Variants in OSBPL6 observed in about 807,000 individuals in gnomAD.
OSBPL6 encodes the protein oxysterol-binding protein-related protein 6.
Under a neutral mutation model 125.8 loss-of-function variants are expected in OSBPL6, and 49 were observed. That is an observed-to-expected ratio of 0.39 (90% CI 0.31 to 0.49). The LOEUF is 0.49. OSBPL6 is among the 20% of genes least tolerant of loss of function. OSBPL6 has a pLI of 0.88. For missense variants in OSBPL6, 986 were observed against 1,135.4 expected (o/e 0.87, Z 1.89); for synonymous variants, 394 against 391.8 (o/e 1.01, Z -0.07).
intron 20 of OSBPL6, among the ~76,000 whole-genome samples, chr2:178,387,481 G>C (rs10497515): frequency 0.021 from 3,211 of 152,254 alleles, 76 homozygotes; most frequent in East Asian, 0.14. Context: ...GTTCATCTTA[G>C]ATCCAGGGAG....
chr2:178,346,648 G>A (rs900162262), intron 11 of OSBPL6, among the ~76,000 whole-genome samples: 1 of 152,080 alleles, frequency 6.6e-6, no homozygotes, highest in Non-Finnish European at 1.5e-5. Flanking sequence ...ATGGAGAGCT[G>A]TAGGCAGCTC....
intron 1 of OSBPL6, among the ~76,000 whole-genome samples, chr2:178,214,362 A>G (rs1351891647): frequency 6.6e-6 from 1 of 152,232 alleles, no homozygotes; most frequent in Non-Finnish European, 1.5e-5. Context: ...TAGATTGGTC[A>G]AGAGTTCTAC....
At chr2:178,319,754 C>T (rs969489201) in intron 3 of OSBPL6, among the ~76,000 whole-genome samples, 5 of 152,302 alleles carry the variant, frequency 3.3e-5, no homozygotes, top group Admixed American at 1.3e-4. Context: ...AGTGTTGCTA[C>T]GTTCAAAGTA....
At chr2:178,300,849 A>G (rs919442877) in intron 2 of OSBPL6, among the ~76,000 whole-genome samples, 50 of 152,328 alleles carry the variant, frequency 3.3e-4, no homozygotes, top group African/African-American at 1.2e-3. Context: ...TAAAAGGAGA[A>G]TTATATCTTT....
Position 178,396,214 on chromosome 2 carries a change from A to G in OSBPL6, c.*655A>G, listed in dbSNP as rs1559337172. On this transcript the variant is annotated 3_prime_UTR_variant, in exon 25 of 25. Coordinates refer to ENST00000190611, the MANE Select transcript of OSBPL6 (RefSeq NM_032523.4). Reference sequence around the variant, plus strand: ...AATCATGGCATGATTCACTTTCTCAATCAGGACAATTATGAGACTAACTTA... The same window carrying G: ...AATCATGGCATGATTCACTTTCTCAGTCAGGACAATTATGAGACTAACTTA... 1 of 161,642 alleles carries G rather than the reference A, an allele frequency of 6.2e-6. No individual in the cohort carries two copies. The highest frequency in any genetic ancestry group is 2.4e-5 in the African/African-American group (1 of 41,532). The allele number at this position is 161,642 out of a possible 1,614,324, so 10.0% of individuals were successfully genotyped here. A position where few individuals can be genotyped will look rare whatever the true frequency, so the allele number is the denominator to read the frequency against.
intron 2 of OSBPL6, among the ~76,000 whole-genome samples, chr2:178,293,027 A>G (rs1252209656): frequency 6.6e-6 from 1 of 151,654 alleles, no homozygotes; most frequent in African/African-American, 2.4e-5. Flanking sequence ...CTGGCACTAT[A>G]AGTAGTTAAA....
intron 1 of OSBPL6, among the ~76,000 whole-genome samples, chr2:178,260,098 C>A (rs897425309): frequency 6.6e-6 from 1 of 152,186 alleles, no homozygotes; most frequent in Admixed American, 6.5e-5. Flanking sequence ...CACATTAAGG[C>A]CTCAGCTACC....
intron 2 of OSBPL6, among the ~76,000 whole-genome samples, chr2:178,304,548 A>C (rs926838225): frequency 2.6e-5 from 4 of 152,152 alleles, no homozygotes; most frequent in African/African-American, 9.7e-5. Context: ...ACAATTCAGG[A>C]TGAGATGTGG....
intron 12 of OSBPL6, among the ~76,000 whole-genome samples, chr2:178,357,403 C>T (rs914444260): frequency 6.6e-6 from 1 of 151,992 alleles, no homozygotes; most frequent in African/African-American, 2.4e-5. Context: ...CAAAAACAAT[C>T]CCATCAAAAA....
At chr2:178,256,942 G>A (rs1010317001) in intron 1 of OSBPL6, among the ~76,000 whole-genome samples, 1 of 152,070 alleles carries the variant, frequency 6.6e-6, no homozygotes, top group Non-Finnish European at 1.5e-5. Context: ...CTTGTATTTT[G>A]TGGATAGTGT....
intron 1 of OSBPL6, among the ~76,000 whole-genome samples, chr2:178,227,793 G>A (rs1303304346): frequency 2.0e-5 from 3 of 152,166 alleles, no homozygotes; most frequent in Admixed American, 2.0e-4. Flanking sequence ...TATTAAAAAG[G>A]AAAGCAGTAG....
intron 3 of OSBPL6, among the ~76,000 whole-genome samples, chr2:178,313,641 CT>C (rs1687487689): frequency 1.3e-5 from 2 of 152,174 alleles, no homozygotes; most frequent in African/African-American, 4.8e-5. Context: ...AGAAGTTCAT[CT>C]TCTTACCAGT....
intron 8 of OSBPL6, among the ~76,000 whole-genome samples, chr2:178,335,294 C>G (rs1689580509): frequency 6.6e-6 from 1 of 152,046 alleles, no homozygotes. Context: ...AGACTAAAAT[C>G]AAATCCTCCC....
Position 178,312,221 on chromosome 2 carries a change from G to A in OSBPL6, c.102+5935G>A, listed in dbSNP as rs372337265. 6.1e-5 allele frequency among the ~76,000 whole-genome samples: 9 copies of A among 148,520 alleles called. No individual in the cohort carries two copies. The East Asian group carries it at 1.8e-3, about 30-fold the overall frequency. On this transcript the variant is annotated intron_variant, in intron 3 of 24. Coordinates refer to ENST00000190611, the MANE Select transcript of OSBPL6 (RefSeq NM_032523.4). ...TTTTTGCCCAGGCTGGAGTGTAATGGCACAATCTCGGCTCACTGCAACCTC... is the reference window on the plus strand; with the variant it reads ...TTTTTGCCCAGGCTGGAGTGTAATGACACAATCTCGGCTCACTGCAACCTC...
intron 4 of OSBPL6, among the ~76,000 whole-genome samples, chr2:178,325,793 A>C (rs1400560648): frequency 6.6e-6 from 1 of 152,214 alleles, no homozygotes; most frequent in Non-Finnish European, 1.5e-5. Context: ...GCTTGGTCAA[A>C]CAGCAATTCT....
chr2:178,275,231 G>A (rs2092446104), intron 1 of OSBPL6, among the ~76,000 whole-genome samples: 1 of 152,212 alleles, frequency 6.6e-6, no homozygotes, highest in African/African-American at 2.4e-5. Context: ...AGATAATGGT[G>A]CTGGGCACAG....
chr2:178,327,436 G>A (rs1688791854), intron 4 of OSBPL6, among the ~76,000 whole-genome samples: 1 of 152,048 alleles, frequency 6.6e-6, no homozygotes, highest in Non-Finnish European at 1.5e-5. Context: ...TAAATATAGT[G>A]GATATCTCTC....
rs775992837 is a variant in OSBPL6, at chr2:178,364,821, G to A, written c.1287+3006G>A. 3.9e-5 allele frequency among the ~76,000 whole-genome samples: 6 copies of A among 152,268 alleles called. No homozygotes were observed. The East Asian group carries it at 5.8e-4, about 15-fold the overall frequency. On this transcript the variant is annotated intron_variant, in intron 13 of 24. Coordinates refer to ENST00000190611, the MANE Select transcript of OSBPL6 (RefSeq NM_032523.4). ...TATCAGGGCAGTTATAGATGTTGACGAGTTGCAATGCAGTCAGAATAAAAT... is the reference window on the plus strand; with the variant it reads ...TATCAGGGCAGTTATAGATGTTGACAAGTTGCAATGCAGTCAGAATAAAAT...
At chr2:178,256,197 C>T (rs1429903278) in intron 1 of OSBPL6, among the ~76,000 whole-genome samples, 2 of 152,200 alleles carry the variant, frequency 1.3e-5, no homozygotes, top group African/African-American at 4.8e-5. Context: ...GAGAAAGCAG[C>T]ACACTCCCTT....
Sources: allele counts gnomAD v4.1 joint callset (sites outside exome capture counted in the v4.1 genomes callset), GRCh38; gene constraint gnomAD v4.1.1; transcripts MANE v1.5; gene names NCBI Gene and HGNC (gene_info 2026-07-23, HGNC 2026-07-21).